LMOD1: variants seen among roughly 807,000 people sequenced by gnomAD.
LMOD1 encodes leiomodin-1.
Under a neutral mutation model 36.5 loss-of-function variants are expected in LMOD1, and 8 were observed. The observed-to-expected ratio is 0.22, with a 90% CI of 0.13 to 0.40. The LOEUF (loss-of-function observed/expected upper bound fraction) is 0.40. LMOD1 is among the 10% of genes least tolerant of loss of function. The probability of loss-of-function intolerance (pLI) is 1.00; values close to 1 mark genes in which losing one functional copy is unlikely to be tolerated. For synonymous variants in LMOD1, 284 were observed against 288.7 expected (o/e 0.98, Z 0.17); for missense variants, 630 against 751.1 (o/e 0.84, Z 1.88).
intron 1 of LMOD1, among the ~76,000 whole-genome samples, chr1:201,941,896 G>C (rs1013544930): frequency 6.6e-6 from 1 of 152,218 alleles, no homozygotes; most frequent in Non-Finnish European, 1.5e-5. Flanking sequence ...GGAGAAGGGA[G>C]GGGGAGGCAG....
intron 1 of LMOD1, among the ~76,000 whole-genome samples, chr1:201,916,576 C>CAAAAA (rs59474075): frequency 0.011 from 1,718 of 151,872 alleles, 37 homozygotes; most frequent in African/African-American, 0.039. Flanking sequence ...GAAAAAGAAA[C>CAAAAA]AAAATTGTCT....
rs1681215986 is a variant in LMOD1, at chr1:201,897,501, C to CTT, written c.*869_*870dup. 1 of 152,786 alleles carries CTT rather than the reference C, an allele frequency of 6.5e-6. No individual in the cohort carries two copies. 9.5% of individuals were successfully genotyped at this position (152,786 alleles called of 1,614,324 possible). On this transcript the variant is annotated 3_prime_UTR_variant, in exon 3 of 3. Transcript: ENST00000367288. ...AGTTCAGATTTTCCTCCATGCTGCACTTTCTGAGGATGTGAATTTATTTCT... is the reference window on the plus strand; with the variant it reads ...AGTTCAGATTTTCCTCCATGCTGCACTTTTTCTGAGGATGTGAATTTATTTCT...
At chr1:201,914,254 G>A (rs542551497) in intron 1 of LMOD1, among the ~76,000 whole-genome samples, 4 of 152,150 alleles carry the variant, frequency 2.6e-5, no homozygotes, top group African/African-American at 9.7e-5. Context: ...CACACCCCAC[G>A]TGGTGCCGTC....
chr1:201,946,070 GCT>G lies in LMOD1; in HGVS notation c.261+8_261+9del. The stretch of plus-strand genomic sequence containing the variant: ...TCTCCCTCCTCCCCTCCAGGGCTGT[GCT>G]CACTCACATCCATGGACATCTCCCT... On this transcript the variant is annotated splice_region_variant and intron_variant, in intron 1 of 2. Coordinates refer to ENST00000367288, the MANE Select transcript of LMOD1 (RefSeq NM_012134.3). 2 of 1,611,728 alleles carry G rather than the reference GCT, an allele frequency of 1.2e-6. No individual in the cohort carries two copies. The highest frequency in any genetic ancestry group is 4.5e-5 in the East Asian group (2 of 44,822).
At chr1:201,930,774 T>C (rs1197400160) in intron 1 of LMOD1, among the ~76,000 whole-genome samples, 3 of 151,986 alleles carry the variant, frequency 2.0e-5, no homozygotes, top group Admixed American at 6.6e-5. Context: ...ATTTAGGCAA[T>C]AGAGTATGAG....
chr1:201,898,506 GTGAA>G, intron 2 of LMOD1, 108 bp from the exon 3 acceptor site: 2 of 953,920 alleles, frequency 2.1e-6, no homozygotes, highest in South Asian at 3.6e-5. Context: ...TCTGTGGAAT[GTGAA>G]TGAGGTGTTG....
chr1:201,921,757 G>C (rs2819353), intron 1 of LMOD1, among the ~76,000 whole-genome samples: 1 of 150,330 alleles, frequency 6.7e-6, no homozygotes, highest in South Asian at 2.1e-4. Context: ...TCAGGAGATC[G>C]AGACCATCCT....
intron 1 of LMOD1, among the ~76,000 whole-genome samples, chr1:201,933,194 A>T (rs1213129303): frequency 6.6e-6 from 1 of 152,094 alleles, no homozygotes; most frequent in Non-Finnish European, 1.5e-5. Flanking sequence ...CGAGTGGAAC[A>T]CCTGAAGTCA....
At chr1:201,914,894 T>C (rs1159188740) in intron 1 of LMOD1, among the ~76,000 whole-genome samples, 2 of 152,152 alleles carry the variant, frequency 1.3e-5, no homozygotes, top group East Asian at 3.9e-4. Flanking sequence ...CAGATCCTCC[T>C]TCTGTCCACA....
chr1:201,915,773 C>G (rs1411463763), intron 1 of LMOD1, among the ~76,000 whole-genome samples: 1 of 152,140 alleles, frequency 6.6e-6, no homozygotes, highest in East Asian at 1.9e-4. Flanking sequence ...CAGATGTTCC[C>G]TTGGTCCAGG....
chr1:201,924,596 G>A (rs1681780134), intron 1 of LMOD1, among the ~76,000 whole-genome samples: 1 of 141,394 alleles, frequency 7.1e-6, no homozygotes, highest in South Asian at 2.2e-4. Flanking sequence ...AGGGAGGGAG[G>A]GAAGGAAGGA....
intron 1 of LMOD1, among the ~76,000 whole-genome samples, chr1:201,924,593 G>A (rs530322120): frequency 2.1e-5 from 3 of 144,286 alleles, no homozygotes; most frequent in East Asian, 4.2e-4. Context: ...AGGAGGGAGG[G>A]AGGGAAGGAA....
rs751016029 is a variant in LMOD1, at chr1:201,899,270, G to A, written c.1743C>T (p.Ala581=). The part of the protein sequence containing the change: ...EKNSRDQLLA[A]IRSSNLKQLK... ...GCTGCTTGAGGTTGCTGGAGCGGAT[G>A]GCAGCCAATAGCTGGTCACGGGAGT... Residue 581 remains alanine (A), a synonymous_variant, in exon 2 of 3, where the codon GCC becomes GCT. Coordinates refer to ENST00000367288, the MANE Select transcript of LMOD1 (RefSeq NM_012134.3). The surrounding 1 kb of genome is among the most constrained non-coding windows in gnomAD (Gnocchi z 6.3). 1.9e-6 allele frequency: 3 copies of A among 1,602,308 alleles called. No individual in the cohort carries two copies. Among genetic ancestry groups the A allele is most frequent in the Non-Finnish European group, 2.6e-6 (3 of 1,172,672 alleles).
intron 1 of LMOD1, among the ~76,000 whole-genome samples, chr1:201,922,356 G>A (rs1681720503): frequency 6.6e-6 from 1 of 152,142 alleles, no homozygotes; most frequent in African/African-American, 2.4e-5. Flanking sequence ...ATTAACTGAA[G>A]AATGACTCAG....
Position 201,900,675 on chromosome 1 carries a change from A to G in LMOD1, c.338T>C (p.Leu113Pro), listed in dbSNP as rs1248123321. 3 of 1,613,694 alleles carry G rather than the reference A, an allele frequency of 1.9e-6. No homozygotes were observed. Among genetic ancestry groups the G allele is most frequent in the South Asian group, 2.2e-5 (2 of 91,052 alleles). ...CAGATCTGAGTCCCGTCTGGGGCCC[A>G]GGGCTTTTTTGCTGGCATCTCTGCC... ...ERGRDASKKA[L>P]GPRRDSDLGK... The change falls in exon 2 of 3, where the codon CTG becomes CCG. Residue 113 changes from leucine to proline, a missense_variant. Transcript: ENST00000367288.
chr1:201,917,418 T>A lies in LMOD1; in HGVS notation c.262-16667A>T, dbSNP rs1019461835. Among the ~76,000 whole-genome samples, 108 of 152,232 alleles carry A rather than the reference T, an allele frequency of 7.1e-4. 1 individual carries two copies. Among genetic ancestry groups the A allele is most frequent in the African/African-American group, 2.5e-3 (105 of 41,460 alleles). On this transcript the variant is annotated intron_variant, in intron 1 of 2. Transcript: ENST00000367288. ...GGCATGCAACACAGCCTGCAATAGC[T>A]AAGACTTCACAGTCAGCGCCATTCT...
At chr1:201,912,369 A>G (rs114266973) in intron 1 of LMOD1, among the ~76,000 whole-genome samples, 1,957 of 149,092 alleles carry the variant, frequency 0.013, 37 homozygotes, top group African/African-American at 0.043. Context: ...CCTGACCCCC[A>G]AGCCCTTCTC....
chr1:201,916,927 C>T (rs760145463), intron 1 of LMOD1, among the ~76,000 whole-genome samples: 16 of 152,106 alleles, frequency 1.1e-4, no homozygotes, highest in Admixed American at 1.0e-3. Flanking sequence ...GTCGGAGTGG[C>T]GCAATGGCAG....
intron 1 of LMOD1, among the ~76,000 whole-genome samples, chr1:201,912,393 A>G (rs1437822149): frequency 1.5e-5 from 2 of 134,902 alleles, no homozygotes; most frequent in East Asian, 4.3e-4. Context: ...CCCCTCCCCC[A>G]CAGCTCCCTT....
Sources: gnomAD v4.1 joint callset for allele counts (sites outside exome capture counted in the v4.1 genomes callset) on GRCh38, gnomAD v4.1.1 for gene constraint, Gnocchi (gnomAD v3.1) non-coding constraint, MANE v1.5 for transcripts, NCBI Gene and HGNC (gene_info 2026-07-23, HGNC 2026-07-21) for gene names.